Variants in SPATS1 observed in about 807,000 individuals in gnomAD.
SPATS1 encodes spermatogenesis-associated serine-rich protein 1.
In SPATS1, 23 loss-of-function variants were observed where a neutral mutation model predicts 33.6. That is an observed-to-expected ratio of 0.68 (90% CI 0.49 to 0.97). The LOEUF is 0.97. SPATS1 is among the 50% of genes least tolerant of loss of function. SPATS1 has a pLI of 0.00. For synonymous variants in SPATS1, 131 were observed against 125.6 expected (o/e 1.04, Z -0.29); for missense variants, 327 against 361.0 (o/e 0.91, Z 0.76).
intron 4 of SPATS1, chr6:44,361,283 T>C: frequency 1.0e-6 from 1 of 956,216 alleles, no homozygotes; most frequent in Non-Finnish European, 1.2e-6. Flanking sequence ...ACAAAGGCAC[T>C]GCAAGGTCCA....
chr6:44,344,984 C>A (rs1192676031), intron 2 of SPATS1, among the ~76,000 whole-genome samples: 1 of 152,114 alleles, frequency 6.6e-6, no homozygotes, highest in Non-Finnish European at 1.5e-5. Flanking sequence ...CTCCCCACAG[C>A]CTTCTGAGCT....
intron 2 of SPATS1, among the ~76,000 whole-genome samples, chr6:44,346,589 G>T (rs1314542240): frequency 8.5e-5 from 13 of 152,118 alleles, no homozygotes; most frequent in Non-Finnish European, 1.5e-5. Flanking sequence ...TCCATATGTT[G>T]CCTAGGCTGG....
chr6:44,349,309 A>AG (rs1342858817), intron 2 of SPATS1, among the ~76,000 whole-genome samples: 21 of 150,342 alleles, frequency 1.4e-4, no homozygotes, highest in South Asian at 2.1e-4. Flanking sequence ...AAAAAAAAAA[A>AG]AAAGAAAGAA....
At chr6:44,362,965 A>G (rs1469969426) in intron 5 of SPATS1, among the ~76,000 whole-genome samples, 1 of 151,058 alleles carries the variant, frequency 6.6e-6, no homozygotes, top group East Asian at 2.0e-4. Context: ...CAGCCTCCGG[A>G]GTAGATGGGA....
chr6:44,370,588 C>T (rs905024761), intron 7 of SPATS1, among the ~76,000 whole-genome samples: 26 of 152,176 alleles, frequency 1.7e-4, no homozygotes, highest in African/African-American at 6.0e-4. Context: ...ACTTATTTAC[C>T]TAAGCAGGTT....
chr6:44,344,069 G>C (rs1367802406), intron 2 of SPATS1, among the ~76,000 whole-genome samples: 1 of 152,200 alleles, frequency 6.6e-6, no homozygotes, highest in African/African-American at 2.4e-5. Flanking sequence ...AGGAGTTAGA[G>C]CTATTAATTG....
Position 44,379,728 on chromosome 6 carries a change from T to A in SPATS1, c.*2665T>A, listed in dbSNP as rs1790119158. Among the ~76,000 whole-genome samples, 1 of 151,090 alleles carries A rather than the reference T, an allele frequency of 6.6e-6. No individual in the cohort carries two copies. Among genetic ancestry groups the A allele is most frequent in the Non-Finnish European group, 1.5e-5 (1 of 67,842 alleles). ...TCTATATAATTCCTAGGTGCTGCTCTAAGTAGATATGATTTGATTCCTTTT... is the reference window on the plus strand; with the variant it reads ...TCTATATAATTCCTAGGTGCTGCTCAAAGTAGATATGATTTGATTCCTTTT... On this transcript the variant is annotated 3_prime_UTR_variant, in exon 9 of 9. Coordinates refer to ENST00000674044, the MANE Select transcript of SPATS1 (RefSeq NM_001372081.1).
chr6:44,363,137 C>CTTT (rs35447842), intron 5 of SPATS1, among the ~76,000 whole-genome samples: 1 of 146,564 alleles, frequency 6.8e-6, no homozygotes, highest in Admixed American at 6.8e-5. Context: ...GTGCCCAGCA[C>CTTT]TTTTTTTTTT....
intron 7 of SPATS1, among the ~76,000 whole-genome samples, chr6:44,370,662 T>A (rs1229989084): frequency 6.6e-6 from 1 of 152,152 alleles, no homozygotes; most frequent in African/African-American, 2.4e-5. Context: ...TACAAAACAG[T>A]CTCCTATGAG....
chr6:44,345,674 C>A (rs1222722264), intron 2 of SPATS1, among the ~76,000 whole-genome samples: 1 of 152,202 alleles, frequency 6.6e-6, no homozygotes, highest in Non-Finnish European at 1.5e-5. Context: ...TACCTCAGAA[C>A]TCACATGCAA....
chr6:44,343,246 AG>A lies in SPATS1; in HGVS notation c.139+13del, dbSNP rs747871855. On this transcript the variant is annotated intron_variant, in intron 2 of 8. Coordinates refer to ENST00000674044, the MANE Select transcript of SPATS1 (RefSeq NM_001372081.1). ...GGAGAGGACCTACAGTTGAGTTCTA[AG>A]AAATCCAGGCTGTGGAGTTGGTGGC... The A allele has an allele frequency of 2.5e-6, 4 of 1,610,586 alleles. No homozygotes were observed. In the African/African-American group the frequency reaches 4.0e-5, roughly 16 times the overall value.
In SPATS1 at chr6:44,352,892, C is replaced by A. The variant is rs775919835; in HGVS notation, c.287+19C>A. 1.2e-6 allele frequency: 2 copies of A among 1,611,174 alleles called. No homozygotes were observed. Among genetic ancestry groups the A allele is most frequent in the Non-Finnish European group, 1.7e-6 (2 of 1,178,128 alleles). ...ACGTAGAGTAAGTAAGGGTCTGGTG[C>A]AGAGCTGTCACGGTTGGGGAGATTC... On this transcript the variant is annotated intron_variant, in intron 3 of 8. Coordinates refer to ENST00000674044, the MANE Select transcript of SPATS1 (RefSeq NM_001372081.1).
intron 6 of SPATS1, 98 bp downstream of exon 6, chr6:44,368,597 C>G (rs1458218600): frequency 1.7e-6 from 2 of 1,178,472 alleles, no homozygotes; most frequent in African/African-American, 3.1e-5. Flanking sequence ...TAGATGTCAA[C>G]AAGATGTGAT....
At position 44,360,566 on chromosome 6, in the gene SPATS1, G is replaced by C; in HGVS notation, c.408G>C (p.Gln136His). The change falls in exon 4 of 9, where the codon CAG becomes CAC. Residue 136 changes from glutamine to histidine, a missense_variant. By Grantham distance (24) the Gln-to-His change is conservative. Transcript: ENST00000674044. ...AGGAATTCAGCCTGCTTAAGTTGCA[G>C]ACGAGTAAGTCACAGACCCTCCTCC... ...YPEEFSLLKL[Q>H]TKDGHRPEWT... 1 of 1,614,078 alleles carries C rather than the reference G, an allele frequency of 6.2e-7. No individual in the cohort carries two copies.
At chr6:44,352,975 T>C (rs564257848) in intron 3 of SPATS1, 102 bp downstream of exon 3, 1 of 1,299,804 alleles carries the variant, frequency 7.7e-7, no homozygotes, top group South Asian at 1.4e-5. Context: ...GAGCATGGAT[T>C]CTGGAGCTAG....
chr6:44,352,665 C>A (rs1055604775), intron 2 of SPATS1, 61 bp from the exon 3 acceptor site: 3 of 1,503,090 alleles, frequency 2.0e-6, no homozygotes, highest in Non-Finnish European at 2.8e-6. Context: ...ATCTAGGAAA[C>A]AAAATAGGGT....
intron 3 of SPATS1, among the ~76,000 whole-genome samples, chr6:44,354,482 A>AT (rs1400475925): frequency 5.9e-5 from 9 of 152,192 alleles, no homozygotes; most frequent in Non-Finnish European, 1.0e-4. Context: ...TTATTTTACA[A>AT]TTAAGATCAT....
chr6:44,358,273 G>C (rs983130760), intron 3 of SPATS1, among the ~76,000 whole-genome samples: 10 of 152,180 alleles, frequency 6.6e-5, no homozygotes, highest in Non-Finnish European at 1.2e-4. Context: ...CTTGATAACA[G>C]ATCATTGTAC....
intron 3 of SPATS1, among the ~76,000 whole-genome samples, chr6:44,359,736 AT>A (rs1205915409): frequency 6.6e-6 from 1 of 151,748 alleles, no homozygotes. Flanking sequence ...TGCCTGGCTA[AT>A]TTTTGTATTT....
Sources: allele counts gnomAD v4.1 joint callset (sites outside exome capture counted in the v4.1 genomes callset), GRCh38; gene constraint gnomAD v4.1.1; transcripts MANE v1.5; gene names NCBI Gene and HGNC (gene_info 2026-07-23, HGNC 2026-07-21).